Variants in NUP155 observed in about 807,000 individuals in gnomAD.
NUP155 encodes the protein nucleoporin 155, also known as nuclear pore complex protein Nup155.
A neutral mutation model predicts 180.4 loss-of-function variants in NUP155; 71 were observed. The observed-to-expected ratio is 0.39, with a 90% CI of 0.33 to 0.48. NUP155 has a LOEUF of 0.48. Ranked by LOEUF, NUP155 falls within the 20% of genes least tolerant of loss-of-function variation. The probability of loss-of-function intolerance (pLI) is 0.91; values close to 1 mark genes in which losing one functional copy is unlikely to be tolerated. For synonymous variants in NUP155, 582 were observed against 559.5 expected, an observed-to-expected ratio of 1.04 and a Z score of -0.57; for missense variants, 1,553 against 1,648.9, an observed-to-expected ratio of 0.94 and a Z score of 1.01.
chr5:37,298,238 A>C (rs1436860540), intron 32 of NUP155, among the ~76,000 whole-genome samples: 1 of 125,942 alleles, frequency 7.9e-6, no homozygotes, highest in Non-Finnish European at 1.5e-5. Context: ...CCTCTGTCTC[A>C]AAAAAAAAAA....
chr5:37,358,933 C>T (rs547507584), intron 3 of NUP155, among the ~76,000 whole-genome samples: 50 of 151,684 alleles, frequency 3.3e-4, no homozygotes, highest in Non-Finnish European at 6.5e-4. Flanking sequence ...AGGAGAATCA[C>T]TTGAACCCGG....
At position 37,332,416 on chromosome 5, in the gene NUP155, G is replaced by A. The variant is rs541355498; in HGVS notation, c.1519-621C>T. 6.7e-5 allele frequency among the ~76,000 whole-genome samples: 10 copies of A among 148,798 alleles called. No homozygotes were observed. In the East Asian group the frequency reaches 2.0e-3, roughly 29 times the overall value. On this transcript the variant is annotated intron_variant, in intron 13 of 34. Transcript: ENST00000231498. ...GGCTCACTGCAAGCTCCGCCTCCCG[G>A]GTTCATGCCATTCTCCTGTCTCAGC...
chr5:37,293,024 G>C, intron 33 of NUP155, 39 bp from the exon 34 acceptor site: 1 of 1,288,968 alleles, frequency 7.8e-7, no homozygotes, highest in East Asian at 2.3e-5. Flanking sequence ...GAGGCAAATT[G>C]TGTCAATTGA....
intron 23 of NUP155, 33 bp downstream of exon 23, chr5:37,310,519 A>G (rs1402033621): frequency 6.4e-7 from 1 of 1,555,858 alleles, no homozygotes; most frequent in East Asian, 2.2e-5. Flanking sequence ...ACCTCTTATA[A>G]CAAACAATGA....
intron 11 of NUP155, among the ~76,000 whole-genome samples, chr5:37,340,127 G>C (rs1745613839): frequency 6.6e-6 from 1 of 152,082 alleles, no homozygotes; most frequent in Non-Finnish European, 1.5e-5. Flanking sequence ...AAGAAACTGA[G>C]AAGAGCCAAA....
In NUP155 at chr5:37,314,183, A is replaced by C; in HGVS notation, c.2436+15T>G. The stretch of plus-strand genomic sequence containing the variant: ...AGTATTAATGGTATAATCATAAAAA[A>C]ATAAAAAAAATTACCTTCTGAAGTT... On this transcript the variant is annotated intron_variant, in intron 22 of 34. Coordinates refer to ENST00000231498, the MANE Select transcript of NUP155 (RefSeq NM_153485.3). 1 of 1,585,620 alleles carries C rather than the reference A, an allele frequency of 6.3e-7. No individual in the cohort carries two copies. The highest frequency in any genetic ancestry group is 2.2e-5 in the East Asian group (1 of 44,530).
intron 19 of NUP155, 118 bp downstream of exon 19, chr5:37,325,783 A>T (rs1054916619): frequency 5.9e-5 from 40 of 679,456 alleles, no homozygotes; most frequent in Middle Eastern, 3.6e-4. Flanking sequence ...AAAAAAAAAA[A>T]AAAAAAAATA....
At chr5:37,360,788 G>C (rs1022721319) in intron 3 of NUP155, among the ~76,000 whole-genome samples, 7 of 141,352 alleles carry the variant, frequency 5.0e-5, no homozygotes, top group Non-Finnish European at 7.9e-5. Flanking sequence ...AAAAAAAAAG[G>C]GGGGGGGGTC....
At chr5:37,334,079 G>C (rs1342747412) in intron 12 of NUP155, among the ~76,000 whole-genome samples, 2 of 151,138 alleles carry the variant, frequency 1.3e-5, no homozygotes, top group Non-Finnish European at 2.9e-5. Context: ...GGGATTACAG[G>C]CATGAGCCAC....
At chr5:37,322,713 A>T (rs1744328765) in intron 20 of NUP155, among the ~76,000 whole-genome samples, 6 of 151,496 alleles carry the variant, frequency 4.0e-5, no homozygotes, top group Admixed American at 4.0e-4. Flanking sequence ...TCTCAAAAAA[A>T]AAAAAAAAAT....
At chr5:37,363,747 G>T in intron 3 of NUP155, 141 bp downstream of exon 3, 1 of 675,848 alleles carries the variant, frequency 1.5e-6, no homozygotes, top group Non-Finnish European at 2.7e-6. Context: ...AACATCTCCA[G>T]ATGACTGATA....
chr5:37,333,731 G>A (rs1745130981), intron 12 of NUP155, 98 bp from the exon 13 acceptor site: 1 of 792,836 alleles, frequency 1.3e-6, no homozygotes, highest in East Asian at 2.7e-5. Context: ...TTAATAAATA[G>A]TACATTAACA....
intron 32 of NUP155, among the ~76,000 whole-genome samples, chr5:37,298,451 AAACACTAAGTTTT>A (rs1442987388): frequency 2.0e-5 from 3 of 152,204 alleles, no homozygotes; most frequent in Non-Finnish European, 2.9e-5. Flanking sequence ...AAAGGGATTC[AAACACTAAGTTTT>A]AACATAATTA....
chr5:37,334,294 G>C (rs1012923399), intron 12 of NUP155, among the ~76,000 whole-genome samples: 2 of 152,002 alleles, frequency 1.3e-5, no homozygotes, highest in African/African-American at 4.8e-5. Context: ...GTATGAACAG[G>C]GTTTTACCAT....
At chr5:37,324,706 C>T (rs926638292) in intron 19 of NUP155, among the ~76,000 whole-genome samples, 2 of 152,096 alleles carry the variant, frequency 1.3e-5, no homozygotes, top group Non-Finnish European at 2.9e-5. Context: ...CACCACATAT[C>T]TGACTAATTT....
Position 37,301,512 on chromosome 5 carries a change from T to C in NUP155, c.3486A>G (p.Gln1162=). 1 of 1,613,724 alleles carries C rather than the reference T, an allele frequency of 6.2e-7. No homozygotes were observed. The highest frequency in any genetic ancestry group is 1.3e-5 in the African/African-American group (1 of 75,050). ...CAGAAGAATGATGGGAATACTGCCT[T>C]TGTAGTGTCTCCTGTATCTGAAGTT... ...RIQLQIQETL[Q]RQYSHHSSVQ... is the part of the protein sequence containing the mutation. The change falls in exon 30 of 35, where the codon CAA becomes CAG. Residue 1162 remains glutamine, a synonymous_variant. Coordinates refer to ENST00000231498, the MANE Select transcript of NUP155 (RefSeq NM_153485.3).
At chr5:37,351,166 A>G in intron 6 of NUP155, 24 bp downstream of exon 6, 3 of 1,607,468 alleles carry the variant, frequency 1.9e-6, no homozygotes, top group Admixed American at 1.7e-5. Context: ...GAGAAAAAAA[A>G]ACGTTTACAA....
intron 10 of NUP155, among the ~76,000 whole-genome samples, chr5:37,342,036 T>C (rs1448859115): frequency 6.6e-6 from 1 of 152,190 alleles, no homozygotes; most frequent in Admixed American, 6.5e-5. Context: ...GGCTTTTGTT[T>C]TGCTTTTTTA....
At position 37,306,750 on chromosome 5, in the gene NUP155, C is replaced by G. The variant is rs551302870; in HGVS notation, c.2903+547G>C. 1.2e-4 allele frequency among the ~76,000 whole-genome samples: 18 copies of G among 152,186 alleles called. No homozygotes were observed. In the South Asian group the frequency reaches 3.5e-3, roughly 30 times the overall value. ...AAAGTGCTGGGATTACAGGCGTGAG[C>G]CACTGTGCCTGGCCTATATTTCTTT... On this transcript the variant is annotated intron_variant, in intron 25 of 34. Transcript: ENST00000231498.
Sources: gnomAD v4.1 joint callset for allele counts (sites outside exome capture counted in the v4.1 genomes callset) on GRCh38, gnomAD v4.1.1 for gene constraint, MANE v1.5 for transcripts, NCBI Gene and HGNC (gene_info 2026-07-23, HGNC 2026-07-21) for gene names.